The following FGGY variants were observed in gnomAD, a reference collection of about 807,000 sequenced individuals.
FGGY encodes FGGY carbohydrate kinase domain-containing protein.
FGGY carries 72 observed loss-of-function variants against 71.3 expected under a neutral mutation model. The ratio of observed to expected loss-of-function variants is 1.01; its 90% confidence interval spans 0.84 to 1.23. The LOEUF is 1.23. Among genes scored for constraint, FGGY ranks in the 50% most tolerant of loss-of-function variants. The pLI is 0.00. For synonymous variants in FGGY, 251 were observed against 250.3 expected (o/e 1.00, Z -0.02); for missense variants, 668 against 682.3 (o/e 0.98, Z 0.23).
chr1:59,629,097 A>G (rs1285641320), intron 10 of FGGY, among the ~76,000 whole-genome samples: 1 of 152,182 alleles, frequency 6.6e-6, no homozygotes, highest in Admixed American at 6.6e-5. Context: ...GGATAGCATT[A>G]GGAGAAATAC....
chr1:59,638,098 T>C (rs2096979966), intron 10 of FGGY, 130 bp from the exon 11 acceptor site: 2 of 844,330 alleles, frequency 2.4e-6, no homozygotes, highest in South Asian at 3.4e-5. Context: ...TACAGTGGGC[T>C]AGCTTCTCTG....
chr1:59,727,636 A>G lies in FGGY; in HGVS notation c.1513-30295A>G, dbSNP rs77540153. On this transcript the variant is annotated intron_variant, in intron 14 of 15. Coordinates refer to ENST00000303721, the MANE Select transcript of FGGY (RefSeq NM_018291.5). ...GTTAAAATGGCCATACTTCCCATAC[A>G]GATTCAATGCTATTCCTATCAAACT... 2.4e-3 allele frequency among the ~76,000 whole-genome samples: 361 copies of G among 152,320 alleles called. 8 individuals carry two copies. The East Asian group carries it at 0.056, about 24-fold the overall frequency.
At chr1:59,532,967 A>G (rs1203711738) in intron 7 of FGGY, among the ~76,000 whole-genome samples, 1 of 152,214 alleles carries the variant, frequency 6.6e-6, no homozygotes, top group Non-Finnish European at 1.5e-5. Context: ...TCTAATCCAG[A>G]GGCAACCATT....
rs75570106 is a variant in FGGY, at chr1:59,694,706, T to A, written c.1512+20573T>A. On this transcript the variant is annotated intron_variant, in intron 14 of 15. Transcript: ENST00000303721. ...ACTAGGTGTCTTTTTTTTTTTTTTT[T>A]AAAGAGATGGGGTCTCAATGTGTTG... is the stretch of plus-strand genomic sequence containing the variant. Among the ~76,000 whole-genome samples, 19 of 146,654 alleles carry A rather than the reference T, an allele frequency of 1.3e-4. No homozygotes were observed. The East Asian group carries it at 2.6e-3, about 20-fold the overall frequency.
rs1306088102 is a variant in FGGY at position 59,458,270 on chromosome 1, G to C, written c.670+1194G>C. On this transcript the variant is annotated intron_variant, in intron 6 of 15. Transcript: ENST00000303721. ...TATTGATTACCTGTATATGTGTCTT[G>C]ATTCCTCACTAGACTGTGAGCTGTT... 4.6e-5 allele frequency among the ~76,000 whole-genome samples: 7 copies of C among 152,098 alleles called. 1 individual carries two copies. Among genetic ancestry groups the C allele is most frequent in the Admixed American group, 4.6e-4 (7 of 15,266 alleles).
Position 59,372,202 on chromosome 1 carries a change from C to T in FGGY, c.466-6547C>T, listed in dbSNP as rs529223367. Among the ~76,000 whole-genome samples, 16 of 152,102 alleles carry T rather than the reference C, an allele frequency of 1.1e-4. No individual in the cohort carries two copies. In the East Asian group the frequency reaches 1.2e-3, roughly 11 times the overall value. On this transcript the variant is annotated intron_variant, in intron 4 of 15. Coordinates refer to ENST00000303721, the MANE Select transcript of FGGY (RefSeq NM_018291.5). ...AAGAAAAAAAGAAGAATCAAATAGA[C>T]GCAATTAAAAATGATAAAGGGAATA... is the stretch of plus-strand genomic sequence containing the variant.
chr1:59,735,291 C>T (rs907191129), intron 14 of FGGY, among the ~76,000 whole-genome samples: 4 of 152,174 alleles, frequency 2.6e-5, no homozygotes, highest in Non-Finnish European at 5.9e-5. Context: ...GGCCTCCTTC[C>T]TGCTTTAGTT....
At chr1:59,344,604 C>T (rs191928336) in intron 3 of FGGY, among the ~76,000 whole-genome samples, 7 of 152,220 alleles carry the variant, frequency 4.6e-5, no homozygotes, top group Admixed American at 4.6e-4. Flanking sequence ...GGTACTTGTT[C>T]CAGGACCTCC....
intron 5 of FGGY, among the ~76,000 whole-genome samples, chr1:59,392,456 C>A (rs1277442411): frequency 6.6e-6 from 1 of 152,114 alleles, no homozygotes; most frequent in African/African-American, 2.4e-5. Flanking sequence ...CCATATCAGA[C>A]TTTTCTCATC....
chr1:59,635,652 G>A (rs145878453), intron 10 of FGGY, among the ~76,000 whole-genome samples: 120 of 152,190 alleles, frequency 7.9e-4, no homozygotes, highest in Non-Finnish European at 1.5e-3. Flanking sequence ...TAGAAAAGAT[G>A]TTCTCAAGGC....
chr1:59,712,832 G>A (rs2097805754), intron 14 of FGGY, among the ~76,000 whole-genome samples: 1 of 152,200 alleles, frequency 6.6e-6, no homozygotes, highest in African/African-American at 2.4e-5. Context: ...ATGCCCTAGA[G>A]ACATTTTCCT....
intron 10 of FGGY, among the ~76,000 whole-genome samples, chr1:59,634,663 C>T (rs950984598): frequency 2.0e-5 from 3 of 149,422 alleles, no homozygotes; most frequent in African/African-American, 4.9e-5. Context: ...GCAATAGGTC[C>T]GAAAAAAAAA....
intron 5 of FGGY, among the ~76,000 whole-genome samples, chr1:59,418,916 T>G (rs1481337696): frequency 6.6e-6 from 1 of 152,072 alleles, no homozygotes; most frequent in Non-Finnish European, 1.5e-5. Flanking sequence ...AGCAGGCACA[T>G]TTGGGCTACA....
At chr1:59,612,615 C>T (rs1329973947) in intron 9 of FGGY, among the ~76,000 whole-genome samples, 2 of 152,202 alleles carry the variant, frequency 1.3e-5, no homozygotes, top group Admixed American at 6.5e-5. Context: ...CAGCTAACGT[C>T]ATAATGACAG....
intron 5 of FGGY, among the ~76,000 whole-genome samples, chr1:59,443,244 A>C (rs1487017399): frequency 6.6e-6 from 1 of 152,140 alleles, no homozygotes; most frequent in East Asian, 1.9e-4. Flanking sequence ...AGTTAAGATG[A>C]TTTTTTTAGA....
chr1:59,317,670 G>A (rs1181855703), intron 1 of FGGY, among the ~76,000 whole-genome samples: 2 of 152,208 alleles, frequency 1.3e-5, no homozygotes, highest in Non-Finnish European at 2.9e-5. Context: ...GAATTTCAGG[G>A]AAGCTGCCCA....
chr1:59,555,017 G>A (rs1462221946), intron 8 of FGGY, among the ~76,000 whole-genome samples: 4 of 152,186 alleles, frequency 2.6e-5, no homozygotes, highest in African/African-American at 4.8e-5. Flanking sequence ...AGCTATGGAG[G>A]AAATTAAGTG....
rs560404975 is a variant in FGGY at position 59,567,145 on chromosome 1, G to A, written c.903+12918G>A. Among the ~76,000 whole-genome samples, 4 of 152,262 alleles carry A rather than the reference G, an allele frequency of 2.6e-5. 1 individual carries two copies. In the South Asian group the frequency reaches 8.3e-4, roughly 32 times the overall value. ...GTTCTCTGATGGAGTGAAAGGCTGGGCAGAGAAAGGGAGATACAGCATATA... is the reference window on the plus strand; with the variant it reads ...GTTCTCTGATGGAGTGAAAGGCTGGACAGAGAAAGGGAGATACAGCATATA... On this transcript the variant is annotated intron_variant, in intron 8 of 15. Transcript: ENST00000303721.
intron 5 of FGGY, among the ~76,000 whole-genome samples, chr1:59,456,753 T>C (rs1230650418): frequency 1.3e-5 from 2 of 152,240 alleles, no homozygotes; most frequent in African/African-American, 4.8e-5. Flanking sequence ...CAGCCAGGGC[T>C]GAGACTTTTG....
Sources: allele counts gnomAD v4.1 joint callset (sites outside exome capture counted in the v4.1 genomes callset), GRCh38; gene constraint gnomAD v4.1.1; transcripts MANE v1.5; gene names NCBI Gene and HGNC (gene_info 2026-07-23, HGNC 2026-07-21).